The following OLA1 variants were observed in gnomAD, a reference collection of about 807,000 sequenced individuals.
The protein encoded by OLA1 is Obg like ATPase 1.
Under a neutral mutation model 48.4 loss-of-function variants are expected in OLA1, and 14 were observed. That is an observed-to-expected ratio of 0.29 (90% CI 0.19 to 0.45). The LOEUF (loss-of-function observed/expected upper bound fraction) is 0.45. Among genes scored for constraint, OLA1 ranks in the 20% least tolerant of loss-of-function variants. The pLI is 1.00. For missense variants in OLA1, 325 were observed against 467.1 expected, an observed-to-expected ratio of 0.70 and a Z score of 2.80; for synonymous variants, 127 against 150.4, an observed-to-expected ratio of 0.84 and a Z score of 1.14.
intron 4 of OLA1, among the ~76,000 whole-genome samples, chr2:174,160,996 A>G (rs1007846311): frequency 5.9e-5 from 9 of 152,206 alleles, no homozygotes; most frequent in African/African-American, 2.2e-4. Context: ...GTATAAATGT[A>G]TTTTTAACTA....
intron 4 of OLA1, among the ~76,000 whole-genome samples, chr2:174,191,474 G>A (rs1298906480): frequency 6.6e-6 from 1 of 151,236 alleles, no homozygotes; most frequent in African/African-American, 2.4e-5. Context: ...TGAAGACAGG[G>A]TCCTGGCTCT....
chr2:174,114,870 C>A (rs966511820), intron 7 of OLA1, among the ~76,000 whole-genome samples: 9 of 152,054 alleles, frequency 5.9e-5, no homozygotes, highest in African/African-American at 2.2e-4. Context: ...TGGTTCACAC[C>A]TGTAATCTCA....
chr2:174,208,578 T>A (rs1354673594), intron 4 of OLA1, among the ~76,000 whole-genome samples: 1 of 152,216 alleles, frequency 6.6e-6, no homozygotes, highest in African/African-American at 2.4e-5. Context: ...AATATCAATT[T>A]ACCATGTGAT....
intron 4 of OLA1, among the ~76,000 whole-genome samples, chr2:174,186,629 T>G (rs1013066760): frequency 2.6e-5 from 4 of 152,220 alleles, no homozygotes; most frequent in African/African-American, 9.7e-5. Flanking sequence ...TCCCTGCTGA[T>G]GTTCCTACCT....
At chr2:174,098,764 T>C (rs1685316820) in intron 7 of OLA1, among the ~76,000 whole-genome samples, 1 of 152,222 alleles carries the variant, frequency 6.6e-6, no homozygotes, top group African/African-American at 2.4e-5. Context: ...ATGCTTAGCA[T>C]GGTATCTGAT....
chr2:174,144,299 C>A (rs914995190), intron 4 of OLA1, among the ~76,000 whole-genome samples: 1 of 152,014 alleles, frequency 6.6e-6, no homozygotes, highest in Non-Finnish European at 1.5e-5. Context: ...TTGCTCCCTG[C>A]CCCAAGGTTA....
intron 4 of OLA1, among the ~76,000 whole-genome samples, chr2:174,163,726 A>T (rs1687075629): frequency 1.1e-4 from 1 of 8,866 alleles, no homozygotes; most frequent in Admixed American, 1.2e-3. Context: ...ATATATATAT[A>T]TATATATATA....
chr2:174,203,666 CA>C (rs2105434548), intron 4 of OLA1, among the ~76,000 whole-genome samples: 1 of 152,048 alleles, frequency 6.6e-6, no homozygotes, highest in South Asian at 2.1e-4. Context: ...GATGGTTCCC[CA>C]GCTCCTCCAT....
intron 3 of OLA1, among the ~76,000 whole-genome samples, chr2:174,227,443 G>A (rs371128111): frequency 6.6e-6 from 1 of 152,012 alleles, no homozygotes; most frequent in East Asian, 1.9e-4. Context: ...TGTGTGGGAG[G>A]ATATCTTTGT....
intron 4 of OLA1, among the ~76,000 whole-genome samples, chr2:174,146,641 G>T (rs1686607326): frequency 6.6e-6 from 1 of 152,206 alleles, no homozygotes; most frequent in African/African-American, 2.4e-5. Flanking sequence ...GACTGAGAAG[G>T]ACTGACCTAA....
intron 7 of OLA1, among the ~76,000 whole-genome samples, chr2:174,087,010 T>C (rs541081146): frequency 6.6e-6 from 1 of 151,958 alleles, no homozygotes; most frequent in Non-Finnish European, 1.5e-5. Context: ...TCAAGTCCTA[T>C]TGTATATTCT....
chr2:174,149,657 T>A (rs1160740713), intron 4 of OLA1, among the ~76,000 whole-genome samples: 1 of 152,200 alleles, frequency 6.6e-6, no homozygotes, highest in Non-Finnish European at 1.5e-5. Context: ...GTGAGATACA[T>A]TTGACTATTC....
At chr2:174,144,951 A>AAAAAAAAATATAT (rs1181030817) in intron 4 of OLA1, among the ~76,000 whole-genome samples, 40 of 40,278 alleles carry the variant, frequency 9.9e-4, no homozygotes, top group Non-Finnish European at 1.3e-3. Flanking sequence ...AAAAAAAAAA[A>AAAAAAAAATATAT]ATATATATAT....
chr2:174,163,216 A>AT (rs1687054749), intron 4 of OLA1, among the ~76,000 whole-genome samples: 2 of 152,166 alleles, frequency 1.3e-5, no homozygotes, highest in Admixed American at 1.3e-4. Context: ...GAGACAAGTG[A>AT]TTACAGGGTC....
chr2:174,102,051 C>G (rs1472396329), intron 7 of OLA1, among the ~76,000 whole-genome samples: 1 of 152,070 alleles, frequency 6.6e-6, no homozygotes, highest in East Asian at 1.9e-4. Flanking sequence ...TGTTGACAAT[C>G]AGGAATAATG....
Position 174,152,410 on chromosome 2 carries a change from A to G in OLA1, c.374-10410T>C, listed in dbSNP as rs114573124. ...AGAGTAAGACTCCGTCTCAAAAAAT[A>G]AAAATAAAAAAAAGTTAAAAAGTGG... On this transcript the variant is annotated intron_variant, in intron 4 of 10. Coordinates refer to ENST00000284719, the MANE Select transcript of OLA1 (RefSeq NM_013341.5). Among the ~76,000 whole-genome samples, 1,267 of 152,266 alleles carry G rather than the reference A, an allele frequency of 8.3e-3. 19 individuals carry two copies. Among genetic ancestry groups the G allele is most frequent in the African/African-American group, 0.029 (1,203 of 41,544 alleles).
At chr2:174,151,839 A>C (rs1383606361) in intron 4 of OLA1, among the ~76,000 whole-genome samples, 2 of 152,178 alleles carry the variant, frequency 1.3e-5, no homozygotes, top group Middle Eastern at 3.2e-3. Context: ...TCTTTATTGC[A>C]TTGGGGTGCG....
intron 7 of OLA1, among the ~76,000 whole-genome samples, chr2:174,114,710 A>G (rs554821673): frequency 6.6e-6 from 1 of 152,328 alleles, no homozygotes; most frequent in Admixed American, 6.5e-5. Context: ...TTTCAATGAC[A>G]AATATTTAAA....
intron 7 of OLA1, among the ~76,000 whole-genome samples, chr2:174,113,918 C>G (rs1685715200): frequency 6.6e-6 from 1 of 152,104 alleles, no homozygotes; most frequent in Non-Finnish European, 1.5e-5. Flanking sequence ...ATAATATCTG[C>G]TTGATAAGTA....
Sources: gnomAD v4.1 joint callset for allele counts (sites outside exome capture counted in the v4.1 genomes callset) on GRCh38, gnomAD v4.1.1 for gene constraint, MANE v1.5 for transcripts, NCBI Gene and HGNC (gene_info 2026-07-23, HGNC 2026-07-21) for gene names.